The following LMO7 variants were observed in gnomAD, a reference collection of about 807,000 sequenced individuals.
The protein encoded by LMO7 is LIM domain only protein 7.
Under a neutral mutation model 206.5 loss-of-function variants are expected in LMO7, and 120 were observed. The ratio of observed to expected loss-of-function variants is 0.58; its 90% CI spans 0.50 to 0.68. LMO7 has a LOEUF of 0.68. LMO7 is among the 30% of genes least tolerant of loss of function. The pLI is 0.00. For synonymous variants in LMO7, 706 were observed against 681.5 expected (o/e 1.04, Z -0.56); for missense variants, 1,959 against 1,957.9 (o/e 1.00, Z -0.01).
chr13:75,641,298 G>T (rs1015954867), intron 1 of LMO7, among the ~76,000 whole-genome samples: 1 of 152,198 alleles, frequency 6.6e-6, no homozygotes, highest in Non-Finnish European at 1.5e-5. Flanking sequence ...TTTTTAACTT[G>T]TCGTGTGTGA....
At chr13:75,726,896 T>G in intron 2 of LMO7, 133 bp from the exon 3 acceptor site, 1 of 648,808 alleles carries the variant, frequency 1.5e-6, no homozygotes, top group Non-Finnish European at 2.8e-6. Flanking sequence ...GTTATTTGCT[T>G]TTTGATGGGC....
intron 11 of LMO7, among the ~76,000 whole-genome samples, chr13:75,810,493 C>A (rs931172122): frequency 6.6e-5 from 10 of 152,116 alleles, no homozygotes; most frequent in Admixed American, 3.3e-4. Context: ...AACCAGGGTC[C>A]CTGCATGCTT....
chr13:75,733,095 G>A (rs1236075474), intron 3 of LMO7, among the ~76,000 whole-genome samples: 1 of 152,224 alleles, frequency 6.6e-6, no homozygotes, highest in Non-Finnish European at 1.5e-5. Context: ...ACTTGAGGAG[G>A]CAGTCTCCCC....
intron 28 of LMO7, 168 bp from the exon 29 acceptor site, chr13:75,855,092 T>G (rs1236678170): frequency 1.9e-6 from 1 of 535,346 alleles, no homozygotes. Flanking sequence ...AAAGTTAGAG[T>G]ATAATCAAGG....
chr13:75,859,772 A>AAGATAC lies in LMO7; in HGVS notation c.*1832_*1837dup, dbSNP rs1271524393. 6.6e-6 allele frequency: 1 copy of AAGATAC among 152,198 alleles called. No individual in the cohort carries two copies. Among genetic ancestry groups the AAGATAC allele is most frequent in the Non-Finnish European group, 1.5e-5 (1 of 68,026 alleles). 9.4% of individuals were successfully genotyped at this position (152,198 alleles called of 1,614,324 possible). A position where few individuals can be genotyped will look rare whatever the true frequency, so the allele number is the denominator to read the frequency against. On this transcript the variant is annotated 3_prime_UTR_variant, in exon 31 of 31. Coordinates refer to ENST00000377534, the MANE Select transcript of LMO7 (RefSeq NM_001306080.2). ...TTGTTCATCTCACTGCATGTTTATG[A>AAGATAC]AGATACAGTTCTTTTGCCTTGTTCT...
In LMO7 at chr13:75,838,000, T is replaced by C. The variant is rs2059263421; in HGVS notation, c.3395-140T>C. 7 of 586,226 alleles carry C rather than the reference T, an allele frequency of 1.2e-5. No individual in the cohort carries two copies. In the South Asian group the frequency reaches 1.5e-4, roughly 12 times the overall value. The allele number at this position is 586,226 out of a possible 1,614,324, so 36.3% of individuals were successfully genotyped here. A position where few individuals can be genotyped will look rare whatever the true frequency, so the allele number is the denominator to read the frequency against. ...TGTGTCCCTGTGCCTTGAAATAATC[T>C]ATATCTTCTATGGCTATCAGTTTTG... On this transcript the variant is annotated intron_variant, in intron 19 of 30. Transcript: ENST00000377534.
intron 27 of LMO7, among the ~76,000 whole-genome samples, chr13:75,852,198 G>A (rs1488751716): frequency 6.6e-6 from 1 of 152,010 alleles, no homozygotes; most frequent in South Asian, 2.1e-4. Flanking sequence ...TTTCTTCTGT[G>A]GTTGGTATTT....
intron 3 of LMO7, among the ~76,000 whole-genome samples, chr13:75,738,659 G>A (rs530882882): frequency 3.9e-5 from 6 of 152,154 alleles, no homozygotes; most frequent in African/African-American, 1.4e-4. Context: ...TTAAATGTGG[G>A]TATGTTCAAA....
intron 1 of LMO7, among the ~76,000 whole-genome samples, chr13:75,669,839 A>G (rs760910874): frequency 6.6e-6 from 1 of 152,090 alleles, no homozygotes; most frequent in Non-Finnish European, 1.5e-5. Flanking sequence ...TACTCTGCAC[A>G]TTGTAAAGAC....
At chr13:75,705,207 C>G (rs992025041) in intron 1 of LMO7, among the ~76,000 whole-genome samples, 1 of 150,688 alleles carries the variant, frequency 6.6e-6, no homozygotes, top group East Asian at 2.0e-4. Context: ...GCTGGAAGCA[C>G]GAGCCTACAC....
chr13:75,797,900 G>A (rs554455789), intron 6 of LMO7, among the ~76,000 whole-genome samples: 2 of 152,276 alleles, frequency 1.3e-5, no homozygotes, highest in East Asian at 1.9e-4. Context: ...CTAAGTGTTA[G>A]GAAAACACTC....
At chr13:75,799,118 C>T (rs577366934) in intron 6 of LMO7, among the ~76,000 whole-genome samples, 210 of 152,298 alleles carry the variant, frequency 1.4e-3, no homozygotes, top group Middle Eastern at 3.4e-3. Flanking sequence ...GCCAGGGTGT[C>T]GGCATCTAAA....
chr13:75,731,738 A>T (rs956044563), intron 3 of LMO7, among the ~76,000 whole-genome samples: 1 of 151,460 alleles, frequency 6.6e-6, no homozygotes, highest in Non-Finnish European at 1.5e-5. Flanking sequence ...TGGTCTTTAC[A>T]TTTTGGCATG....
intron 16 of LMO7, among the ~76,000 whole-genome samples, chr13:75,833,458 TAAGTA>T (rs1166368058): frequency 2.0e-5 from 3 of 152,202 alleles, no homozygotes; most frequent in African/African-American, 4.8e-5. Context: ...AAACGGCGCT[TAAGTA>T]AAGATTCAGA....
At chr13:75,808,439 A>G (rs1287031724) in intron 10 of LMO7, among the ~76,000 whole-genome samples, 6 of 152,160 alleles carry the variant, frequency 3.9e-5, no homozygotes, top group African/African-American at 1.4e-4. Flanking sequence ...ATATACATAA[A>G]CCTTGCCTTT....
chr13:75,789,441 C>T lies in LMO7; in HGVS notation c.318-5960C>T, dbSNP rs542472653. 1.1e-4 allele frequency among the ~76,000 whole-genome samples: 17 copies of T among 152,262 alleles called. No homozygotes were observed. The East Asian group carries it at 2.3e-3, about 21-fold the overall frequency. On this transcript the variant is annotated intron_variant, in intron 4 of 30. Coordinates refer to ENST00000377534, the MANE Select transcript of LMO7 (RefSeq NM_001306080.2). ...GGTACTAAGACATGTGAGAGGAACA[C>T]AGAGAAGTGGGATTCTGTGGCAAAT... is the stretch of plus-strand genomic sequence containing the variant.
intron 1 of LMO7, among the ~76,000 whole-genome samples, chr13:75,697,526 A>G (rs545542383): frequency 1.2e-4 from 19 of 152,322 alleles, no homozygotes; most frequent in South Asian, 1.2e-3. Flanking sequence ...CCATGATTCA[A>G]TTATCTCCCA....
chr13:75,754,193 C>T (rs1594749980), intron 3 of LMO7, among the ~76,000 whole-genome samples: 3 of 152,330 alleles, frequency 2.0e-5, no homozygotes, highest in Admixed American at 2.0e-4. Context: ...ATTTCCTCCT[C>T]CTCCATTCAG....
In LMO7 at chr13:75,841,745, G is replaced by A. The variant is rs2059569481; in HGVS notation, c.3793G>A (p.Ala1265Thr). The change falls in exon 24 of 31, where the codon GCA (alanine) becomes ACA (threonine). Residue 1265 changes from alanine to threonine, a missense_variant. Physicochemically the swap from Ala to Thr is moderately conservative, Grantham distance 58. Coordinates refer to ENST00000377534, the MANE Select transcript of LMO7 (RefSeq NM_001306080.2). ...GTCTTCAGACAGAGAAGGAACCCGA[G>A]CAGGAGAAGAGGAGAGGAGACAGCC... ...SKSSDREGTR[A>T]GEEERRQPQE... is the part of the protein sequence containing the mutation. 7 of 1,614,120 alleles carry A rather than the reference G, an allele frequency of 4.3e-6. No individual in the cohort carries two copies. The Middle Eastern group carries it at 6.6e-4, about 152-fold the overall frequency.
Sources: allele counts gnomAD v4.1 joint callset (sites outside exome capture counted in the v4.1 genomes callset), GRCh38; gene constraint gnomAD v4.1.1; transcripts MANE v1.5; gene names NCBI Gene and HGNC (gene_info 2026-07-23, HGNC 2026-07-21).